The following AKAP6 variants were observed in gnomAD, a reference collection of about 807,000 sequenced individuals.
The protein encoded by AKAP6 is A-kinase anchoring protein 6.
A neutral mutation model predicts 188.5 loss-of-function variants in AKAP6; 58 were observed. That is an observed-to-expected ratio of 0.31 (90% CI 0.25 to 0.38). The LOEUF (loss-of-function observed/expected upper bound fraction) is 0.38. Ranked by LOEUF, AKAP6 falls within the 10% of genes least tolerant of loss-of-function variation. AKAP6 has a pLI of 1.00. For synonymous variants in AKAP6, 989 were observed against 998.6 expected, an observed-to-expected ratio of 0.99 and a Z score of 0.18; for missense variants, 2,710 against 2,740.0, an observed-to-expected ratio of 0.99 and a Z score of 0.24.
chr14:32,445,100 A>G (rs1251223240), intron 2 of AKAP6, among the ~76,000 whole-genome samples: 2 of 152,202 alleles, frequency 1.3e-5, no homozygotes, highest in East Asian at 3.9e-4. Flanking sequence ...ATGCTTGGGC[A>G]TGGCCTCTAA....
intron 12 of AKAP6, among the ~76,000 whole-genome samples, chr14:32,816,596 AG>A (rs1409922336): frequency 6.6e-6 from 1 of 152,194 alleles, no homozygotes; most frequent in Non-Finnish European, 1.5e-5. Flanking sequence ...TCAGGGTTAC[AG>A]GGTGCCAAGA....
chr14:32,369,560 C>A (rs1214691369), intron 1 of AKAP6, among the ~76,000 whole-genome samples: 1 of 152,202 alleles, frequency 6.6e-6, no homozygotes, highest in East Asian at 1.9e-4. Context: ...GATCCTGGGT[C>A]ACTGTTTTCT....
chr14:32,718,685 G>A (rs955201675), intron 9 of AKAP6, among the ~76,000 whole-genome samples: 2 of 152,094 alleles, frequency 1.3e-5, no homozygotes, highest in Non-Finnish European at 2.9e-5. Flanking sequence ...TGAAAATTGA[G>A]AATAATATTC....
At chr14:32,331,210 A>AT (rs1437583238) in intron 1 of AKAP6, among the ~76,000 whole-genome samples, 1 of 152,092 alleles carries the variant, frequency 6.6e-6, no homozygotes, top group Non-Finnish European at 1.5e-5. Flanking sequence ...AGTAAAAAAA[A>AT]GCAAAAGGCA....
At chr14:32,807,095 C>T (rs1177609492) in intron 12 of AKAP6, among the ~76,000 whole-genome samples, 1 of 150,912 alleles carries the variant, frequency 6.6e-6, no homozygotes, top group Non-Finnish European at 1.5e-5. Flanking sequence ...TATAAAATCC[C>T]ACATCTTTGG....
chr14:32,678,194 C>A, intron 7 of AKAP6, 117 bp from the exon 8 acceptor site: 1 of 1,066,726 alleles, frequency 9.4e-7, no homozygotes, highest in Non-Finnish European at 1.3e-6. Flanking sequence ...TTAAATCCAA[C>A]TCGAAAAGGA....
rs577469842 is a variant in AKAP6 at position 32,543,404 on chromosome 14, C to T, written c.577-1826C>T. ...TTCTTTTTGAAGGCAAAATAGTATT[C>T]CATTGTGGATATATGCCACATTTTC... On this transcript the variant is annotated intron_variant, in intron 3 of 13. Coordinates refer to ENST00000280979, the MANE Select transcript of AKAP6 (RefSeq NM_004274.5). Among the ~76,000 whole-genome samples the T allele has an allele frequency of 2.6e-5, 4 of 152,320 alleles. No individual in the cohort carries two copies. The South Asian group carries it at 8.3e-4, about 32-fold the overall frequency.
At chr14:32,336,504 A>G (rs1158573579) in intron 1 of AKAP6, among the ~76,000 whole-genome samples, 2 of 152,190 alleles carry the variant, frequency 1.3e-5, no homozygotes, top group Admixed American at 1.3e-4. Flanking sequence ...ACAAATAACG[A>G]TGACTATAGG....
At chr14:32,642,051 C>T (rs10143113) in intron 7 of AKAP6, among the ~76,000 whole-genome samples, 36,227 of 152,078 alleles carry the variant, frequency 0.24, 4,937 homozygotes, top group South Asian at 0.37. Flanking sequence ...ATATAGTCTT[C>T]TTGTTCAGGG....
chr14:32,658,553 G>A (rs1306429684), intron 7 of AKAP6, among the ~76,000 whole-genome samples: 1 of 151,992 alleles, frequency 6.6e-6, no homozygotes, highest in African/African-American at 2.4e-5. Context: ...AATTAAAGCA[G>A]AGGCTAATGT....
At chr14:32,515,096 G>A (rs6571532) in intron 2 of AKAP6, among the ~76,000 whole-genome samples, 120,398 of 152,162 alleles carry the variant, frequency 0.79, 48,328 homozygotes, top group African/African-American at 0.91. Context: ...GGTTTAATGG[G>A]CTCAGTTCCA....
At chr14:32,376,568 A>G (rs8017657) in intron 1 of AKAP6, among the ~76,000 whole-genome samples, 118,313 of 152,196 alleles carry the variant, frequency 0.78, 49,686 homozygotes, top group East Asian at 0.97. Context: ...GAAAATTAAT[A>G]CTTATTCTTT....
rs149145205 is a variant in AKAP6 at position 32,366,989 on chromosome 14, A to T, written c.-35+37581A>T. ...CATGAAGCTCTGGAATAGGTTCTTG[A>T]AAAGGGCCTGCATGGTAGTCAAACA... is the stretch of plus-strand genomic sequence containing the variant. On this transcript the variant is annotated intron_variant, in intron 1 of 13. Transcript: ENST00000280979. Among the ~76,000 whole-genome samples, 1,323 of 152,238 alleles carry T rather than the reference A, an allele frequency of 8.7e-3. 22 individuals are homozygous for T. Among genetic ancestry groups the T allele is most frequent in the African/African-American group, 0.03 (1,257 of 41,550 alleles).
chr14:32,734,663 T>TA (rs905419906), intron 10 of AKAP6: 7 of 152,106 alleles, frequency 4.6e-5, no homozygotes, highest in Admixed American at 3.9e-4. Flanking sequence ...TGTTACAGCG[T>TA]AAAAACAATA....
intron 12 of AKAP6, among the ~76,000 whole-genome samples, chr14:32,804,655 C>T (rs1188783647): frequency 6.6e-6 from 1 of 152,008 alleles, no homozygotes; most frequent in Non-Finnish European, 1.5e-5. Flanking sequence ...AGCAGAGAAC[C>T]GGTCTGACCA....
At chr14:32,617,921 C>G (rs1886650414) in intron 7 of AKAP6, among the ~76,000 whole-genome samples, 1 of 152,178 alleles carries the variant, frequency 6.6e-6, no homozygotes, top group Admixed American at 6.5e-5. Context: ...GCCACCACAC[C>G]CAGCCCTTCA....
At position 32,647,160 on chromosome 14, in the gene AKAP6, C is replaced by T. The variant is rs1888018410; in HGVS notation, c.2731-31151C>T. Reference sequence around the variant, plus strand: ...GTAGGTATTATGAAAAACCGTGCTTCATATATTATTATAAAAATGAAATGT... The same window carrying T: ...GTAGGTATTATGAAAAACCGTGCTTTATATATTATTATAAAAATGAAATGT... On this transcript the variant is annotated intron_variant, in intron 7 of 13. Coordinates refer to ENST00000280979, the MANE Select transcript of AKAP6 (RefSeq NM_004274.5). Among the ~76,000 whole-genome samples, 7 of 152,058 alleles carry T rather than the reference C, an allele frequency of 4.6e-5. No homozygotes were observed. The South Asian group carries it at 1.5e-3, about 32-fold the overall frequency.
At chr14:32,771,653 G>A (rs2032901370) in intron 11 of AKAP6, among the ~76,000 whole-genome samples, 1 of 152,166 alleles carries the variant, frequency 6.6e-6, no homozygotes, top group Non-Finnish European at 1.5e-5. Context: ...GATGTGGCCT[G>A]TGCTAACTCT....
intron 12 of AKAP6, among the ~76,000 whole-genome samples, chr14:32,775,637 T>C (rs1265484912): frequency 2.0e-5 from 3 of 152,174 alleles, no homozygotes; most frequent in African/African-American, 7.2e-5. Flanking sequence ...GGTCTCACTA[T>C]GTTGCCCAGG....
Sources: gnomAD v4.1 joint callset for allele counts (sites outside exome capture counted in the v4.1 genomes callset) on GRCh38, gnomAD v4.1.1 for gene constraint, MANE v1.5 for transcripts, NCBI Gene and HGNC (gene_info 2026-07-23, HGNC 2026-07-21) for gene names.